ASCL5: variants seen among roughly 807,000 people sequenced by gnomAD.
ASCL5 encodes achaete-scute homolog 5.
For synonymous variants in ASCL5, 124 were observed against 131.5 expected, an observed-to-expected ratio of 0.94 and a Z score of 0.39; for missense variants, 262 against 268.9, an observed-to-expected ratio of 0.97 and a Z score of 0.18.
chr1:201,126,670 A>G (rs1663586372), intron 1 of ASCL5, among the ~76,000 whole-genome samples: 1 of 152,234 alleles, frequency 6.6e-6, no homozygotes, highest in South Asian at 2.1e-4. Flanking sequence ...CTGTGGTCCC[A>G]CAACAATTAA....
chr1:201,125,991 T>G (rs1663572172), intron 1 of ASCL5, among the ~76,000 whole-genome samples: 1 of 152,140 alleles, frequency 6.6e-6, no homozygotes, highest in Non-Finnish European at 1.5e-5. Flanking sequence ...GCACAGGCAC[T>G]GAGTGGGAGG....
chr1:201,115,242 G>A lies in ASCL5; in HGVS notation c.131C>T (p.Pro44Leu). The change falls in exon 2 of 2, where the codon CCC becomes CTC. Residue 44 changes from proline to leucine, a missense_variant. Coordinates refer to ENST00000449188, the MANE Select transcript of ASCL5 (RefSeq NM_001270601.2). ...TGCTGGGCCCGGGTACAGCAGGAAG[G>A]GCACGTTGCCCAGGGGCTCGGCGGG... is the stretch of plus-strand genomic sequence containing the variant. Reference protein sequence around the residue: ...LPPAEPLGNVPFLLYPGPAEP... With the variant: ...LPPAEPLGNVLFLLYPGPAEP... The A allele has an allele frequency of 8.1e-7, 1 of 1,231,626 alleles. No homozygotes were observed. Among genetic ancestry groups the A allele is most frequent in the Non-Finnish European group, 1.0e-6 (1 of 987,902 alleles). 76.3% of individuals were successfully genotyped at this position (1,231,626 alleles called of 1,614,324 possible).
In ASCL5 at chr1:201,119,799, C is replaced by G. The variant is rs906786890; in HGVS notation, c.-505-3922G>C. ...GGAAGAGCTTTTCCTCTACTCTTAG[C>G]CCCCATGGTGACTGCTGAAAGAGCT... is the stretch of plus-strand genomic sequence containing the variant. On this transcript the variant is annotated intron_variant, in intron 1 of 1. Transcript: ENST00000449188. 5.9e-5 allele frequency among the ~76,000 whole-genome samples: 9 copies of G among 151,558 alleles called. No homozygotes were observed. In the East Asian group the frequency reaches 1.4e-3, roughly 23 times the overall value.
In ASCL5 at chr1:201,115,426, T is replaced by C. The variant is rs1163988533; in HGVS notation, c.-54A>G. On this transcript the variant is annotated 5_prime_UTR_variant, in exon 2 of 2. Transcript: ENST00000449188. ...AGGCCTCCACCGAATGGCCCCGGCT[T>C]GGGGTCTGCACCGTCTCCACCAGTG... The C allele has an allele frequency of 9.0e-6, 11 of 1,228,600 alleles. No homozygotes were observed. The highest frequency in any genetic ancestry group is 1.0e-5 in the Non-Finnish European group (10 of 985,380). 76.1% of individuals were successfully genotyped at this position (1,228,600 alleles called of 1,614,324 possible).
At chr1:201,120,702 C>T (rs1663435104) in intron 1 of ASCL5, among the ~76,000 whole-genome samples, 1 of 152,220 alleles carries the variant, frequency 6.6e-6, no homozygotes, top group South Asian at 2.1e-4. Context: ...TCCTCATTGT[C>T]TTTAGCAGGA....
At chr1:201,123,137 C>T (rs1190694464) in intron 1 of ASCL5, among the ~76,000 whole-genome samples, 1 of 152,190 alleles carries the variant, frequency 6.6e-6, no homozygotes, top group Non-Finnish European at 1.5e-5. Context: ...AGTAGCTTCC[C>T]ACAGTCACAT....
Position 201,115,168 on chromosome 1 carries a change from A to G in ASCL5, c.205T>C (p.Phe69Leu). Reference protein sequence around the residue: ...AYAGVFPYVPFPGAFGVYEYP... With the variant: ...AYAGVFPYVPLPGAFGVYEYP... Reference sequence around the variant, plus strand: ...TCGTAGACCCCGAAGGCGCCGGGGAAGGGCACGTAGGGGAACACCCCCGCA... The same window carrying G: ...TCGTAGACCCCGAAGGCGCCGGGGAGGGGCACGTAGGGGAACACCCCCGCA... Residue 69 changes from phenylalanine (F) to leucine (L), a missense_variant, in exon 2 of 2, where the codon TTC (phenylalanine) becomes CTC (leucine). Coordinates refer to ENST00000449188, the MANE Select transcript of ASCL5 (RefSeq NM_001270601.2). 5.7e-6 allele frequency: 7 copies of G among 1,231,558 alleles called. No homozygotes were observed. Among genetic ancestry groups the G allele is most frequent in the Non-Finnish European group, 6.1e-6 (6 of 987,888 alleles). The allele number at this position is 1,231,558 out of a possible 1,614,324, so 76.3% of individuals were successfully genotyped here.
At chr1:201,125,845 T>C (rs1663569097) in intron 1 of ASCL5, among the ~76,000 whole-genome samples, 2 of 152,308 alleles carry the variant, frequency 1.3e-5, no homozygotes, top group African/African-American at 2.4e-5. Context: ...TCCATGACTG[T>C]TATAGCAAAG....
chr1:201,121,455 C>T (rs2102201480), intron 1 of ASCL5, among the ~76,000 whole-genome samples: 1 of 152,276 alleles, frequency 6.6e-6, no homozygotes, highest in South Asian at 2.1e-4. Flanking sequence ...GTCTTACTCA[C>T]CGCTACATTT....
chr1:201,115,301 G>T lies in ASCL5; in HGVS notation c.72C>A (p.Gly24=). The T allele has an allele frequency of 8.1e-7, 1 of 1,228,454 alleles. No homozygotes were observed. The highest frequency in any genetic ancestry group is 1.0e-6 in the Non-Finnish European group (1 of 985,098). The allele number at this position is 1,228,454 out of a possible 1,614,324, so 76.1% of individuals were successfully genotyped here. Reference sequence around the variant, plus strand: ...GCGCCTGCCGGGGAGGGGGCATGACGCCCAGCTGCATGCAGCTGGGGGGCC... The same window carrying T: ...GCGCCTGCCGGGGAGGGGGCATGACTCCCAGCTGCATGCAGCTGGGGGGCC... ...PLGPPSCMQL[G]VMPPPRQAPL... is the part of the protein sequence containing the mutation. The change falls in exon 2 of 2, where the codon GGC becomes GGA. Residue 24 remains glycine (G), a synonymous_variant. Transcript: ENST00000449188.
At chr1:201,117,446 G>A (rs971144132) in intron 1 of ASCL5, among the ~76,000 whole-genome samples, 4 of 151,894 alleles carry the variant, frequency 2.6e-5, no homozygotes, top group Non-Finnish European at 5.9e-5. Context: ...AAAAAAAAGA[G>A]TGAAACCAAA....
chr1:201,114,712 G>C lies in ASCL5; in HGVS notation c.*40C>G. 4 of 1,229,414 alleles carry C rather than the reference G, an allele frequency of 3.3e-6. No individual in the cohort carries two copies. Among genetic ancestry groups the C allele is most frequent in the Non-Finnish European group, 3.0e-6 (3 of 986,370 alleles). 76.2% of individuals were successfully genotyped at this position (1,229,414 alleles called of 1,614,324 possible). On this transcript the variant is annotated 3_prime_UTR_variant, in exon 2 of 2. Coordinates refer to ENST00000449188, the MANE Select transcript of ASCL5 (RefSeq NM_001270601.2). ...CTGCTCCCGAAAGTGGGACGGGGCC[G>C]GCGGATCATCCTCCAAGCCGGGGGC...
At chr1:201,122,656 T>C (rs1202510526) in intron 1 of ASCL5, among the ~76,000 whole-genome samples, 7 of 152,112 alleles carry the variant, frequency 4.6e-5, no homozygotes, top group Admixed American at 3.3e-4. Flanking sequence ...TAATGATTGT[T>C]ACAGGATCTC....
intron 1 of ASCL5, among the ~76,000 whole-genome samples, chr1:201,125,187 A>G (rs1417956552): frequency 6.6e-6 from 1 of 152,138 alleles, no homozygotes; most frequent in Non-Finnish European, 1.5e-5. Flanking sequence ...TCCTAAGGTT[A>G]CTGTGAAGTT....
intron 1 of ASCL5, among the ~76,000 whole-genome samples, chr1:201,117,115 C>T (rs973718861): frequency 3.9e-5 from 6 of 152,180 alleles, no homozygotes; most frequent in African/African-American, 7.2e-5. Context: ...TGATTCTAAG[C>T]GTCATGGAGA....
Position 201,115,318 on chromosome 1 carries a change from T to TG in ASCL5, c.54dup (p.Ser19GlnfsTer98), listed in dbSNP as rs1029984633. ...GGCATGACGCCCAGCTGCATGCAGC[T>TG]GGGGGGCCCCAGAGGCCTCCGGTCC... On this transcript the variant is annotated frameshift_variant, in exon 2 of 2. Transcript: ENST00000449188. LOFTEE classifies it low-confidence loss of function (END_TRUNC). 5 of 1,224,102 alleles carry TG rather than the reference T, an allele frequency of 4.1e-6. No individual in the cohort carries two copies. Among genetic ancestry groups the TG allele is most frequent in the Admixed American group, 4.2e-5 (1 of 23,562 alleles). The allele number at this position is 1,224,102 out of a possible 1,614,324, so 75.8% of individuals were successfully genotyped here. A position where few individuals can be genotyped will look rare whatever the true frequency, so the allele number is the denominator to read the frequency against.
chr1:201,119,810 A>G (rs1004168220), intron 1 of ASCL5, among the ~76,000 whole-genome samples: 9 of 152,020 alleles, frequency 5.9e-5, no homozygotes, highest in Middle Eastern at 3.2e-3. Context: ...CCCCATGGTG[A>G]CTGCTGAAAG....
At chr1:201,126,987 A>G (rs997479506) in intron 1 of ASCL5, 97 bp downstream of exon 1, 1 of 152,164 alleles carries the variant, frequency 6.6e-6, no homozygotes, top group African/African-American at 2.4e-5. Flanking sequence ...CTGAGTAAAC[A>G]GTGTTCCTGG....
Position 201,115,270 on chromosome 1 carries a change from G to A in ASCL5, c.103C>T (p.Pro35Ser), listed in dbSNP as rs964462417. ...ACGTTGCCCAGGGGCTCGGCGGGGG[G>A]CAGGGGCGCCTGCCGGGGAGGGGGC... ...VMPPPRQAPL[P>S]PAEPLGNVPF... Residue 35 changes from proline to serine, a missense_variant, in exon 2 of 2, where the codon CCC (proline) becomes TCC (serine). By Grantham distance (74) the Pro-to-Ser change is moderately conservative. Transcript: ENST00000449188. 116 of 1,231,380 alleles carry A rather than the reference G, an allele frequency of 9.4e-5. 1 individual carries two copies. The highest frequency in any genetic ancestry group is 7.8e-4 in the South Asian group (19 of 24,316). 76.3% of individuals were successfully genotyped at this position (1,231,380 alleles called of 1,614,324 possible).
Sources: gnomAD v4.1 joint callset for allele counts (sites outside exome capture counted in the v4.1 genomes callset) on GRCh38, gnomAD v4.1.1 for gene constraint, MANE v1.5 for transcripts, NCBI Gene and HGNC (gene_info 2026-07-23, HGNC 2026-07-21) for gene names.